CCNB2: variants seen among roughly 807,000 people sequenced by gnomAD.
The protein encoded by CCNB2 is G2/mitotic-specific cyclin-B2.
In CCNB2, 39 loss-of-function variants were observed where a neutral mutation model predicts 51.1. The ratio of observed to expected loss-of-function variants is 0.76; its 90% CI spans 0.59 to 1.00. The LOEUF (loss-of-function observed/expected upper bound fraction) is 1.00, where lower values mean the gene tolerates loss of function less well. CCNB2 is among the 50% of genes least tolerant of loss of function. The probability of loss-of-function intolerance (pLI) is 0.00; values close to 1 mark genes in which losing one functional copy is unlikely to be tolerated. For missense variants in CCNB2, 472 were observed against 470.3 expected (o/e 1.00, Z -0.03); for synonymous variants, 174 against 165.5 (o/e 1.05, Z -0.40).
chr15:59,109,814 G>A (rs973044703), intron 3 of CCNB2, among the ~76,000 whole-genome samples: 32 of 152,124 alleles, frequency 2.1e-4, no homozygotes, highest in African/African-American at 6.5e-4. Flanking sequence ...GTAAAACCCC[G>A]TCTCTACTAA....
At chr15:59,115,347 A>C (rs1228835970) in intron 5 of CCNB2, among the ~76,000 whole-genome samples, 1 of 152,156 alleles carries the variant, frequency 6.6e-6, no homozygotes, top group Non-Finnish European at 1.5e-5. Context: ...AGAAGGTGGC[A>C]GTATTTGTTT....
At chr15:59,113,057 C>T (rs1596330833) in intron 3 of CCNB2, among the ~76,000 whole-genome samples, 1 of 151,800 alleles carries the variant, frequency 6.6e-6, no homozygotes, top group Non-Finnish European at 1.5e-5. Context: ...TTTAAAAAAG[C>T]AAAGATTTTT....
intron 1 of CCNB2, among the ~76,000 whole-genome samples, chr15:59,106,581 C>T (rs192512001): frequency 2.0e-5 from 3 of 152,268 alleles, no homozygotes; most frequent in East Asian, 1.9e-4. Context: ...CTTTTCCTAG[C>T]AAGTTTTATT....
chr15:59,107,694 CGTATTTAATGAG>C (rs1216429837), intron 3 of CCNB2, 24 bp downstream of exon 3: 1 of 1,581,276 alleles, frequency 6.3e-7, no homozygotes, highest in African/African-American at 1.3e-5. Context: ...AATTTACAAA[CGTATTTAATGAG>C]GTAGCCTGTT....
chr15:59,109,940 T>A (rs2079251350), intron 3 of CCNB2, among the ~76,000 whole-genome samples: 1 of 152,200 alleles, frequency 6.6e-6, no homozygotes, highest in African/African-American at 2.4e-5. Context: ...TGAGCCGAGA[T>A]TGTGCCACTG....
At chr15:59,109,301 C>T (rs1452335372) in intron 3 of CCNB2, among the ~76,000 whole-genome samples, 3 of 152,098 alleles carry the variant, frequency 2.0e-5, no homozygotes, top group East Asian at 1.9e-4. Flanking sequence ...GCTGGGATTA[C>T]AGGTGTGAGC....
Position 59,114,752 on chromosome 15 carries a change from G to T in CCNB2, c.473G>T (p.Gly158Val). The T allele has an allele frequency of 6.2e-7, 1 of 1,613,704 alleles. No homozygotes were observed. The highest frequency in any genetic ancestry group is 1.1e-5 in the South Asian group (1 of 91,068). Residue 158 changes from glycine (G) to valine (V), a missense_variant, in exon 5 of 9, where the codon GGA becomes GTA. Transcript: ENST00000288207. Reference sequence around the variant, plus strand: ...TCCATAAACCCACATTTCTTAGATGGAAGAGATATAAATGGACGCATGCGT... The same window carrying T: ...TCCATAAACCCACATTTCTTAGATGTAAGAGATATAAATGGACGCATGCGT... ...LQSINPHFLDGRDINGRMRAI... is the reference protein window; with the variant it reads ...LQSINPHFLDVRDINGRMRAI...
rs1171398654 is a variant in CCNB2 at position 59,125,044 on chromosome 15, T to A, written c.*167T>A. ...ATAAAGCGATTGGTTTTTCTTAAGGTATCCCATGTGTATTTATTTGTGTAT... is the reference window on the plus strand; with the variant it reads ...ATAAAGCGATTGGTTTTTCTTAAGGAATCCCATGTGTATTTATTTGTGTAT... On this transcript the variant is annotated 3_prime_UTR_variant, in exon 9 of 9. Coordinates refer to ENST00000288207, the MANE Select transcript of CCNB2 (RefSeq NM_004701.4). 4 of 473,568 alleles carry A rather than the reference T, an allele frequency of 8.4e-6. No individual in the cohort carries two copies. The highest frequency in any genetic ancestry group is 8.1e-5 in the African/African-American group (4 of 49,412). The allele number at this position is 473,568 out of a possible 1,614,324, so 29.3% of individuals were successfully genotyped here. A position where few individuals can be genotyped will look rare whatever the true frequency, so the allele number is the denominator to read the frequency against.
intron 7 of CCNB2, among the ~76,000 whole-genome samples, chr15:59,122,845 A>G (rs2079309009): frequency 6.6e-6 from 1 of 152,158 alleles, no homozygotes; most frequent in African/African-American, 2.4e-5. Context: ...CAATTTATAT[A>G]TCTTCTTACA....
chr15:59,122,241 CTTTTTTTTT>C (rs1162917277), intron 7 of CCNB2, among the ~76,000 whole-genome samples: 8 of 72,990 alleles, frequency 1.1e-4, no homozygotes, highest in African/African-American at 1.7e-4. Context: ...GTTGACATAT[CTTTTTTTTT>C]TTTTTTTTTT....
rs2079270000 is a variant in CCNB2 at position 59,114,472 on chromosome 15, C to G, written c.296C>G (p.Ser99Cys). The G allele has an allele frequency of 6.2e-7, 1 of 1,611,306 alleles. No homozygotes were observed. Among genetic ancestry groups the G allele is most frequent in the Non-Finnish European group, 8.5e-7 (1 of 1,178,818 alleles). Residue 99 changes from serine to cysteine, a missense_variant, in exon 4 of 9, where the codon TCC (serine) becomes TGC (cysteine). Coordinates refer to ENST00000288207, the MANE Select transcript of CCNB2 (RefSeq NM_004701.4). Reference sequence around the variant, plus strand: ...CCTTCTCCCACACCTGAGGATGTCTCCATGAAGGAAGAGAATCTCTGCCAA... The same window carrying G: ...CCTTCTCCCACACCTGAGGATGTCTGCATGAAGGAAGAGAATCTCTGCCAA... Reference protein sequence around the residue: ...KGPSPTPEDVSMKEENLCQAF... With the variant: ...KGPSPTPEDVCMKEENLCQAF...
At chr15:59,110,863 T>C (rs2079254800) in intron 3 of CCNB2, among the ~76,000 whole-genome samples, 2 of 152,192 alleles carry the variant, frequency 1.3e-5, no homozygotes, top group African/African-American at 4.8e-5. Flanking sequence ...GTAAACACAG[T>C]AGTTAGAAAG....
At chr15:59,107,774 A>T in intron 3 of CCNB2, 104 bp downstream of exon 3, 1 of 793,064 alleles carries the variant, frequency 1.3e-6, no homozygotes, top group Non-Finnish European at 2.1e-6. Context: ...GAACATTCAT[A>T]GCTGGAGCTC....
rs1481339663 is a variant in CCNB2, at chr15:59,123,526, C to G, written c.985C>G (p.Gln329Glu). The G allele has an allele frequency of 1.9e-6, 3 of 1,604,934 alleles. No homozygotes were observed. Among genetic ancestry groups the G allele is most frequent in the Non-Finnish European group, 2.6e-6 (3 of 1,172,044 alleles). The change falls in exon 8 of 9, where the codon CAG (glutamine) becomes GAG (glutamate). Residue 329 changes from glutamine (Q) to glutamate (E), a missense_variant. By Grantham distance (29) the Gln-to-Glu change is conservative. Transcript: ENST00000288207. ...GCTTCTTGTGTTTCAGAACTTAAAG[C>G]AGCAGTATTACACAGGATACACAGA... ...VLGQGKWNLK[Q>E]QYYTGYTENE...
rs549889117 is a variant in CCNB2 at position 59,105,214 on chromosome 15, T to G, written c.-55T>G. On this transcript the variant is annotated 5_prime_UTR_variant, in exon 1 of 9. Coordinates refer to ENST00000288207, the MANE Select transcript of CCNB2 (RefSeq NM_004701.4). ...GCCTCGTACGCTAGTGTCCTCCCTT[T>G]TCAGTCCGCGTCCCTCCCTGGGCCG... The G allele has an allele frequency of 1.3e-6, 2 of 1,537,492 alleles. No individual in the cohort carries two copies. The highest frequency in any genetic ancestry group is 2.4e-5 in the South Asian group (2 of 83,708).
At chr15:59,117,024 C>G (rs1383165582) in intron 6 of CCNB2, 98 bp downstream of exon 6, 22 of 1,100,178 alleles carry the variant, frequency 2.0e-5, no homozygotes. Flanking sequence ...AGGACGCTTC[C>G]TTTAGGTAAG....
At position 59,123,612 on chromosome 15, in the gene CCNB2, C is replaced by T. The variant is rs1242817769; in HGVS notation, c.1071C>T (p.Asn357=). The part of the protein sequence containing the change: ...MAKNVVKVNE[N]LTKFIAIKNK... ...AGAATGTGGTGAAAGTAAATGAAAA[C>T]TTAACTAAATTCATCGTAAGTACTA... Residue 357 remains asparagine, a synonymous_variant, in exon 8 of 9, where the codon AAC becomes AAT. Transcript: ENST00000288207. 1.3e-6 allele frequency: 2 copies of T among 1,595,454 alleles called. No individual in the cohort carries two copies. Among genetic ancestry groups the T allele is most frequent in the Non-Finnish European group, 1.7e-6 (2 of 1,169,152 alleles).
intron 7 of CCNB2, among the ~76,000 whole-genome samples, chr15:59,122,443 T>A (rs1445384280): frequency 4.0e-5 from 6 of 151,744 alleles, no homozygotes; most frequent in African/African-American, 1.5e-4. Flanking sequence ...CAGGCTGGTC[T>A]CGAACTCCTG....
intron 7 of CCNB2, among the ~76,000 whole-genome samples, chr15:59,119,810 T>C (rs1338280909): frequency 6.6e-6 from 1 of 152,150 alleles, no homozygotes; most frequent in South Asian, 2.1e-4. Context: ...TGGGCTCAAG[T>C]GATCCTCCCA....
Sources: gnomAD v4.1 joint callset for allele counts (sites outside exome capture counted in the v4.1 genomes callset) on GRCh38, gnomAD v4.1.1 for gene constraint, MANE v1.5 for transcripts, NCBI Gene and HGNC (gene_info 2026-07-23, HGNC 2026-07-21) for gene names.